The following MAF variants were observed in gnomAD, a reference collection of about 807,000 sequenced individuals.
MAF encodes MAF bZIP transcription factor.
MAF carries 10 observed loss-of-function variants against 22.0 expected under a neutral mutation model. The ratio of observed to expected loss-of-function variants is 0.45; its 90% CI spans 0.28 to 0.77. The LOEUF (loss-of-function observed/expected upper bound fraction) is 0.77. Among genes scored for constraint, MAF ranks in the 30% least tolerant of loss-of-function variants. The pLI is 0.12. For missense variants in MAF, 544 were observed against 548.4 expected (o/e 0.99, Z 0.08); for synonymous variants, 337 against 255.8 (o/e 1.32, Z -3.03).
the MAF span, among the ~76,000 whole-genome samples, chr16:79,300,010 G>T: frequency 2.6e-5 from 4 of 152,248 alleles, no homozygotes; most frequent in East Asian, 7.7e-4. Context: ...TGCAGGCTAG[G>T]GAGCCTTCCT....
chr16:79,595,521 A>C, intron 1 of MAF: 1 of 1,060,004 alleles, frequency 9.4e-7, no homozygotes, highest in Non-Finnish European at 1.1e-6. Context: ...TGCTAGGGGA[A>C]GATGACTAAG....
chr16:79,324,975 C>A, the MAF span, among the ~76,000 whole-genome samples: 1 of 152,102 alleles, frequency 6.6e-6, no homozygotes, highest in Non-Finnish European at 1.5e-5. Flanking sequence ...CTTATAGACA[C>A]GTGCTCCAAT....
chr16:79,212,958 T>C, the MAF span: 1 of 152,048 alleles, frequency 6.6e-6, no homozygotes, highest in Non-Finnish European at 1.5e-5. Context: ...TTAAGATGTT[T>C]TGTTATTACT....
At chr16:79,492,422 G>C in the MAF span, among the ~76,000 whole-genome samples, 1 of 152,078 alleles carries the variant, frequency 6.6e-6, no homozygotes, top group Non-Finnish European at 1.5e-5. Flanking sequence ...CCCTGTATTT[G>C]GGCAATTTAC....
At chr16:79,537,830 A>G in the MAF span, among the ~76,000 whole-genome samples, 1 of 152,224 alleles carries the variant, frequency 6.6e-6, no homozygotes, top group Non-Finnish European at 1.5e-5. Context: ...CCTCAGAATG[A>G]CAGTCGCCGT....
chr16:79,287,923 T>A, the MAF span, among the ~76,000 whole-genome samples: 1,258 of 152,316 alleles, frequency 8.3e-3, 15 homozygotes, highest in African/African-American at 0.029. Flanking sequence ...CTAACCCTCC[T>A]CATCGTAGCT....
the MAF span, among the ~76,000 whole-genome samples, chr16:79,328,508 G>C: frequency 1.3e-5 from 2 of 152,148 alleles, no homozygotes; most frequent in Admixed American, 6.5e-5. Context: ...ATTTTGTTTT[G>C]TCTTTCTGAT....
At chr16:79,208,641 T>TTA in the MAF span, among the ~76,000 whole-genome samples, 1 of 151,344 alleles carries the variant, frequency 6.6e-6, no homozygotes, top group African/African-American at 2.4e-5. Flanking sequence ...ATTTTTTTTT[T>TTA]AATCAGTTTA....
the MAF span, among the ~76,000 whole-genome samples, chr16:79,502,684 AATATAAATATAAATATAAAT>A: frequency 0.048 from 840 of 17,460 alleles, 36 homozygotes; most frequent in African/African-American, 0.094. Context: ...AATAAATATA[AATATAAATATAAATATAAAT>A]ATAAATATAT....
the MAF span, among the ~76,000 whole-genome samples, chr16:79,468,400 C>T: frequency 6.6e-6 from 1 of 152,348 alleles, no homozygotes; most frequent in East Asian, 1.9e-4. Context: ...AGAGGATTAG[C>T]ACTTGGGGTG....
At chr16:79,432,122 A>T in the MAF span, among the ~76,000 whole-genome samples, 97 of 152,260 alleles carry the variant, frequency 6.4e-4, 2 homozygotes, top group South Asian at 0.019. Flanking sequence ...GATCACAGGG[A>T]TGGTTTCCCC....
the MAF span, among the ~76,000 whole-genome samples, chr16:79,436,145 T>C: frequency 6.6e-6 from 1 of 152,202 alleles, no homozygotes; most frequent in South Asian, 2.1e-4. Context: ...TGCAGTGGCA[T>C]GATCTCGGCT....
the MAF span, among the ~76,000 whole-genome samples, chr16:79,492,997 C>T: frequency 6.6e-6 from 1 of 151,560 alleles, no homozygotes; most frequent in African/African-American, 2.4e-5. Flanking sequence ...CTCACTCTGT[C>T]ATCCAGGCTG....
At chr16:79,222,948 T>G in the MAF span, among the ~76,000 whole-genome samples, 4 of 152,264 alleles carry the variant, frequency 2.6e-5, no homozygotes, top group South Asian at 4.2e-4. Context: ...CTGTCAATAT[T>G]AGACATATCG....
chr16:79,598,291 A>G (rs1010402859), intron 1 of MAF: 35 of 981,202 alleles, frequency 3.6e-5, no homozygotes, highest in Non-Finnish European at 4.0e-5. Flanking sequence ...ACAAAATAAA[A>G]CACACACACA....
the MAF span, chr16:79,211,546 T>A: frequency 1.2e-6 from 2 of 1,609,376 alleles, no homozygotes; most frequent in Non-Finnish European, 1.7e-6. Context: ...GCAGTCGAAA[T>A]GACGCCATCT....
At chr16:79,240,909 T>G in the MAF span, among the ~76,000 whole-genome samples, 2 of 152,012 alleles carry the variant, frequency 1.3e-5, no homozygotes, top group Non-Finnish European at 2.9e-5. Flanking sequence ...AAACAGGGTC[T>G]GGAGTGGACC....
the MAF span, among the ~76,000 whole-genome samples, chr16:79,348,895 T>C: frequency 6.6e-6 from 1 of 152,212 alleles, no homozygotes; most frequent in Non-Finnish European, 1.5e-5. Flanking sequence ...TGTTAAGCGT[T>C]CCGGTGACCC....
At chr16:79,236,454 AT>A in the MAF span, among the ~76,000 whole-genome samples, 10 of 152,090 alleles carry the variant, frequency 6.6e-5, no homozygotes, top group Non-Finnish European at 1.3e-4. Flanking sequence ...GATCCACAGA[AT>A]CCTGCACCTG....
Sources: allele counts gnomAD v4.1 joint callset (sites outside exome capture counted in the v4.1 genomes callset), GRCh38; gene constraint gnomAD v4.1.1; transcripts MANE v1.5; gene names NCBI Gene and HGNC (gene_info 2026-07-23, HGNC 2026-07-21).